The following SVEP1 variants were observed in gnomAD, a reference collection of about 807,000 sequenced individuals.
SVEP1 encodes sushi, von Willebrand factor type A, EGF and pentraxin domain containing 1, also known as sushi, von Willebrand factor type A, EGF and pentraxin domain-containing protein 1.
A neutral mutation model predicts 367.3 loss-of-function variants in SVEP1; 164 were observed. The ratio of observed to expected loss-of-function variants is 0.45; its 90% CI spans 0.39 to 0.51. The LOEUF (loss-of-function observed/expected upper bound fraction) is 0.51, where lower values mean the gene tolerates loss of function less well. Ranked by LOEUF, SVEP1 falls within the 20% of genes least tolerant of loss-of-function variation. The pLI, the probability that SVEP1 is intolerant of heterozygous loss-of-function variation, is 0.00. For synonymous variants in SVEP1, 1,666 were observed against 1,611.6 expected (o/e 1.03, Z -0.81); for missense variants, 4,117 against 4,425.3 (o/e 0.93, Z 1.98).
chr9:110,529,662 C>CAGT (rs1829992297), intron 3 of SVEP1, among the ~76,000 whole-genome samples: 1 of 151,746 alleles, frequency 6.6e-6, no homozygotes, highest in Non-Finnish European at 1.5e-5. Flanking sequence ...TGATTTTCAG[C>CAGT]TTGATTGTTG....
chr9:110,382,102 G>A (rs975499031), intron 43 of SVEP1, among the ~76,000 whole-genome samples: 6 of 152,060 alleles, frequency 3.9e-5, no homozygotes, highest in African/African-American at 1.4e-4. Flanking sequence ...TGTTATGTGT[G>A]AATTTGAGCC....
At chr9:110,400,757 A>G in intron 40 of SVEP1, 97 bp downstream of exon 40, 2 of 1,305,776 alleles carry the variant, frequency 1.5e-6, no homozygotes, top group Non-Finnish European at 2.1e-6. Flanking sequence ...ATCTTTTGAG[A>G]CCAAAGTCAG....
intron 3 of SVEP1, among the ~76,000 whole-genome samples, chr9:110,544,157 A>C (rs1035540008): frequency 6.6e-6 from 1 of 152,188 alleles, no homozygotes; most frequent in South Asian, 2.1e-4. Context: ...AGAAGGAAAA[A>C]AGAAAGGAGA....
At chr9:110,385,168 A>T (rs1827501291) in intron 43 of SVEP1, among the ~76,000 whole-genome samples, 1 of 152,118 alleles carries the variant, frequency 6.6e-6, no homozygotes, top group Non-Finnish European at 1.5e-5. Flanking sequence ...TTTAGTAGAG[A>T]CAGGGTTTTG....
chr9:110,385,846 G>T, intron 43 of SVEP1, 52 bp downstream of exon 43: 1 of 1,567,160 alleles, frequency 6.4e-7, no homozygotes, highest in Non-Finnish European at 8.6e-7. Flanking sequence ...TCACAGGGAT[G>T]GGAAAACATT....
intron 40 of SVEP1, among the ~76,000 whole-genome samples, chr9:110,396,383 A>C (rs1376079217): frequency 6.6e-6 from 1 of 152,194 alleles, no homozygotes; most frequent in Non-Finnish European, 1.5e-5. Context: ...CTAAATGCCC[A>C]CAAGAGAAAG....
chr9:110,446,651 A>G (rs1309940753), intron 25 of SVEP1, among the ~76,000 whole-genome samples: 1 of 152,238 alleles, frequency 6.6e-6, no homozygotes, highest in East Asian at 1.9e-4. Context: ...TAGAACATGA[A>G]GAGTTCTACT....
chr9:110,450,324 AGT>A (rs1588059302), intron 23 of SVEP1, 64 bp from the exon 24 acceptor site: 1 of 1,530,574 alleles, frequency 6.5e-7, no homozygotes, highest in East Asian at 2.3e-5. Context: ...CTGTAACTAA[AGT>A]GTTGACTCCC....
chr9:110,533,469 T>C (rs1588096015), intron 3 of SVEP1, among the ~76,000 whole-genome samples: 1 of 152,178 alleles, frequency 6.6e-6, no homozygotes, highest in Admixed American at 6.5e-5. Flanking sequence ...ATACATGATA[T>C]GAGCACACAG....
At position 110,366,528 on chromosome 9, in the gene SVEP1, T is replaced by C. The variant is rs1827202113; in HGVS notation, c.*11A>G. The C allele has an allele frequency of 1.3e-6, 2 of 1,550,202 alleles. No individual in the cohort carries two copies. Among genetic ancestry groups the C allele is most frequent in the Non-Finnish European group, 1.7e-6 (2 of 1,151,514 alleles). ...TCCTGCTTTTGGGAGAGCCAGATGG[T>C]CGTGCAGTGGTTAAAACCCAGTCCT... On this transcript the variant is annotated 3_prime_UTR_variant, in exon 48 of 48. Coordinates refer to ENST00000374469, the MANE Select transcript of SVEP1 (RefSeq NM_153366.4).
chr9:110,546,778 C>G (rs1295614593), intron 2 of SVEP1, among the ~76,000 whole-genome samples: 1 of 152,160 alleles, frequency 6.6e-6, no homozygotes, highest in Non-Finnish European at 1.5e-5. Flanking sequence ...AACACTGTCA[C>G]TTCTATGGTA....
In SVEP1 at chr9:110,486,649, CTCTCTCT is replaced by C. The variant is rs1406184173; in HGVS notation, c.1931-2963_1931-2957del. On this transcript the variant is annotated intron_variant, in intron 9 of 47. Transcript: ENST00000374469. Reference sequence around the variant, plus strand: ...TCCTTCCTTCTCTTTCTCTCTCTCTCTCTCTCTTTTTTTTTTTAGATGGAGTCTCTCT... The same window carrying C: ...TCCTTCCTTCTCTTTCTCTCTCTCTCTTTTTTTTTTAGATGGAGTCTCTCT... Among the ~76,000 whole-genome samples, 8 of 77,782 alleles carry C rather than the reference CTCTCTCT, an allele frequency of 1.0e-4. No homozygotes were observed. The East Asian group carries it at 1.8e-3, about 17-fold the overall frequency. 51.0% of individuals were successfully genotyped at this position (77,782 alleles called of 152,430 possible).
chr9:110,550,485 T>C (rs1354345978), intron 1 of SVEP1, among the ~76,000 whole-genome samples: 2 of 136,322 alleles, frequency 1.5e-5, no homozygotes, highest in Non-Finnish European at 3.3e-5. Context: ...AAATTATCTA[T>C]CTATCTATCT....
chr9:110,450,104 G>T lies in SVEP1; in HGVS notation c.4058C>A (p.Pro1353Gln). 6.2e-7 allele frequency: 1 copy of T among 1,613,882 alleles called. No individual in the cohort carries two copies. Among genetic ancestry groups the T allele is most frequent in the Non-Finnish European group, 8.5e-7 (1 of 1,179,816 alleles). Residue 1353 changes from proline to glutamine, a missense_variant, in exon 24 of 48, where the codon CCA becomes CAA. Around this residue, in one of 4 missense-constraint regions of SVEP1, gnomAD observed 2,174 missense variants for 2,494.3 expected, o/e 0.87. Transcript: ENST00000374469. ...TTTACAGGTAGCTCCATTTTTGCAT[G>T]GCTGACTGAGACACTCATCGACGTT... ...GKNVDECLSQPCKNGATCKDG... is the reference protein window; with the variant it reads ...GKNVDECLSQQCKNGATCKDG...
At chr9:110,486,798 C>T (rs1370922017) in intron 9 of SVEP1, among the ~76,000 whole-genome samples, 4 of 152,134 alleles carry the variant, frequency 2.6e-5, no homozygotes, top group African/African-American at 4.8e-5. Flanking sequence ...GTGTGCGCCA[C>T]CACACACAGC....
At chr9:110,433,793 C>T (rs751645978) in intron 30 of SVEP1, among the ~76,000 whole-genome samples, 1 of 151,888 alleles carries the variant, frequency 6.6e-6, no homozygotes, top group Non-Finnish European at 1.5e-5. Context: ...TTCCTAGCCT[C>T]TTTTATTTTT....
At chr9:110,391,968 C>T (rs933573841) in intron 40 of SVEP1, among the ~76,000 whole-genome samples, 1 of 151,668 alleles carries the variant, frequency 6.6e-6, no homozygotes, top group Admixed American at 6.6e-5. Flanking sequence ...TGAGTTGGGA[C>T]TCATCTCCTC....
chr9:110,560,315 CA>C (rs1047344374), intron 1 of SVEP1, among the ~76,000 whole-genome samples: 5 of 152,126 alleles, frequency 3.3e-5, no homozygotes, highest in African/African-American at 1.2e-4. Flanking sequence ...GATATTCACA[CA>C]ATAACAAAAT....
chr9:110,569,811 C>T (rs182273025), intron 1 of SVEP1, among the ~76,000 whole-genome samples: 1 of 152,298 alleles, frequency 6.6e-6, no homozygotes, highest in East Asian at 1.9e-4. Context: ...ACATTTAGTA[C>T]ATCTATGAAA....
Sources: allele counts gnomAD v4.1 joint callset (sites outside exome capture counted in the v4.1 genomes callset), GRCh38; gene constraint gnomAD v4.1.1; regional missense constraint gnomAD v4.1.1; transcripts MANE v1.5; gene names NCBI Gene and HGNC (gene_info 2026-07-23, HGNC 2026-07-21).